Variants in SAXO1 observed in about 807,000 individuals in gnomAD.
SAXO1 encodes the protein stabilizer of axonemal microtubules 1.
In SAXO1, 21 loss-of-function variants were observed where a neutral mutation model predicts 17.5. That is an observed-to-expected ratio of 1.20 (90% confidence interval 0.85 to 1.72). The LOEUF (loss-of-function observed/expected upper bound fraction) is 1.72, where lower values mean the gene tolerates loss of function less well. Ranked by LOEUF, SAXO1 falls within the 40% of genes most tolerant of loss-of-function variation. The pLI, the probability that SAXO1 is intolerant of heterozygous loss-of-function variation, is 0.00. For missense variants in SAXO1, 843 were observed against 596.0 expected (o/e 1.41, Z -4.32); for synonymous variants, 274 against 216.5 (o/e 1.27, Z -2.33).
intron 1 of SAXO1, among the ~76,000 whole-genome samples, chr9:18,959,449 C>T (rs1832393189): frequency 1.3e-5 from 2 of 152,100 alleles, no homozygotes; most frequent in Admixed American, 1.3e-4. Flanking sequence ...AGGGCATCTA[C>T]AGACAGAGAG....
intron 1 of SAXO1, among the ~76,000 whole-genome samples, chr9:19,043,214 A>C (rs913790297): frequency 6.6e-6 from 1 of 151,062 alleles, no homozygotes; most frequent in Non-Finnish European, 1.5e-5. Flanking sequence ...TTCAGCCACA[A>C]AAAAAAAGAA....
intron 1 of SAXO1, among the ~76,000 whole-genome samples, chr9:19,038,612 T>TG (rs1282716709): frequency 1.8e-5 from 1 of 56,634 alleles, no homozygotes; most frequent in African/African-American, 7.1e-5. Context: ...TGTTGTGGGG[T>TG]GGGGGGAGGG....
At chr9:18,988,152 T>G (rs762760234) in intron 1 of SAXO1, among the ~76,000 whole-genome samples, 10 of 152,188 alleles carry the variant, frequency 6.6e-5, no homozygotes, top group Non-Finnish European at 1.5e-4. Context: ...GTCACAGATT[T>G]TAGTTTGAGT....
At position 18,977,381 on chromosome 9, in the gene SAXO1, TG is replaced by T. The variant is rs1833192895; in HGVS notation, c.39-26445del. Among the ~76,000 whole-genome samples, 7 of 152,326 alleles carry T rather than the reference TG, an allele frequency of 4.6e-5. No homozygotes were observed. In the South Asian group the frequency reaches 1.5e-3, roughly 32 times the overall value. On this transcript the variant is annotated intron_variant, in intron 1 of 3. Coordinates refer to ENST00000380534, the MANE Select transcript of SAXO1 (RefSeq NM_153707.4). ...TGCTGGGCATACTGCTAATAGCTTT[TG>T]TGCTTATTAACTTATTTCATCTTCA...
chr9:19,026,434 G>C (rs903257682), intron 1 of SAXO1, among the ~76,000 whole-genome samples: 1 of 152,066 alleles, frequency 6.6e-6, no homozygotes, highest in Non-Finnish European at 1.5e-5. Context: ...TAAAATAAAA[G>C]AGCTAGAGAC....
At chr9:18,956,198 G>A (rs1832253381) in intron 1 of SAXO1, among the ~76,000 whole-genome samples, 1 of 146,910 alleles carries the variant, frequency 6.8e-6, no homozygotes, top group Non-Finnish European at 1.5e-5. Flanking sequence ...CTATCCTCCT[G>A]CCTCAGCCTC....
intron 1 of SAXO1, among the ~76,000 whole-genome samples, chr9:18,975,726 C>A (rs571342351): frequency 6.6e-6 from 1 of 152,200 alleles, no homozygotes; most frequent in African/African-American, 2.4e-5. Context: ...TTGGTTCAAA[C>A]CCCATGCTTT....
In SAXO1 at chr9:18,927,970, A is replaced by T; in HGVS notation, c.*82T>A. On this transcript the variant is annotated 3_prime_UTR_variant, in exon 4 of 4. Transcript: ENST00000380534. ...TTTTTTGTTTTTTGTCATTTTAGGG[A>T]ATTCTTTTTTGTCCAACAAATAATT... is the stretch of plus-strand genomic sequence containing the variant. 1 of 1,423,150 alleles carries T rather than the reference A, an allele frequency of 7.0e-7. No homozygotes were observed. The highest frequency in any genetic ancestry group is 9.4e-7 in the Non-Finnish European group (1 of 1,069,000). The allele number at this position is 1,423,150 out of a possible 1,614,324, so 88.2% of individuals were successfully genotyped here.
chr9:19,037,480 T>C (rs1055538022), upstream of SAXO1, among the ~76,000 whole-genome samples: 2 of 152,196 alleles, frequency 1.3e-5, no homozygotes, highest in African/African-American at 4.8e-5. Context: ...GATTACCCCA[T>C]ACTGTTCTCA....
chr9:19,015,048 T>C (rs1563982439), intron 1 of SAXO1, among the ~76,000 whole-genome samples: 1 of 152,186 alleles, frequency 6.6e-6, no homozygotes, highest in East Asian at 1.9e-4. Flanking sequence ...CTGCTGATGA[T>C]GATGAAGGGC....
At chr9:19,012,397 A>T (rs181178427) in intron 1 of SAXO1, among the ~76,000 whole-genome samples, 1 of 152,268 alleles carries the variant, frequency 6.6e-6, no homozygotes, top group Non-Finnish European at 1.5e-5. Flanking sequence ...TTAGGTCTGA[A>T]TTATTAAAAT....
At chr9:18,962,306 G>A (rs1832520761) in intron 1 of SAXO1, among the ~76,000 whole-genome samples, 1 of 152,212 alleles carries the variant, frequency 6.6e-6, no homozygotes. Context: ...GAACTCAGAT[G>A]ATCTGCCCGC....
At chr9:18,964,135 T>C (rs1475723135) in intron 1 of SAXO1, among the ~76,000 whole-genome samples, 2 of 152,226 alleles carry the variant, frequency 1.3e-5, no homozygotes, top group Non-Finnish European at 2.9e-5. Context: ...TTGATTGTGG[T>C]GGATAAGCTT....
Position 19,033,031 on chromosome 9 carries a change from C to T in SAXO1, c.-123G>A. 1 of 1,048,520 alleles carries T rather than the reference C, an allele frequency of 9.5e-7. No individual in the cohort carries two copies. Among genetic ancestry groups the T allele is most frequent in the Non-Finnish European group, 1.3e-6 (1 of 760,868 alleles). The allele number at this position is 1,048,520 out of a possible 1,614,324, so 65.0% of individuals were successfully genotyped here. On this transcript the variant is annotated 5_prime_UTR_variant, in exon 1 of 4. Transcript: ENST00000380534. ...AGGGTCTTGGCAGGTGTTCTGTTTA[C>T]TCGAAGGAAAATTTAAGTGGCCCTT...
chr9:18,959,962 G>A (rs944449404), intron 1 of SAXO1, among the ~76,000 whole-genome samples: 1 of 152,112 alleles, frequency 6.6e-6, no homozygotes, highest in African/African-American at 2.4e-5. Flanking sequence ...GATAGCAGAT[G>A]CTGATGAGAG....
intron 3 of SAXO1, among the ~76,000 whole-genome samples, chr9:18,930,075 C>T (rs547754708): frequency 1.1e-4 from 16 of 152,274 alleles, no homozygotes; most frequent in South Asian, 4.1e-4. Flanking sequence ...GAATTTAAAC[C>T]GTATTGTTGT....
chr9:19,009,322 C>G (rs1312393682), intron 1 of SAXO1, among the ~76,000 whole-genome samples: 4 of 152,126 alleles, frequency 2.6e-5, no homozygotes, highest in Non-Finnish European at 5.9e-5. Flanking sequence ...CCAACCATCA[C>G]AGCAGAAAAT....
At chr9:19,040,103 A>T (rs1433824662) in intron 1 of SAXO1, among the ~76,000 whole-genome samples, 3 of 150,964 alleles carry the variant, frequency 2.0e-5, no homozygotes, top group African/African-American at 2.5e-5. Flanking sequence ...TCTTTTATTT[A>T]AAAAAACTGT....
chr9:19,016,351 G>T (rs142487984), intron 1 of SAXO1, among the ~76,000 whole-genome samples: 3 of 152,178 alleles, frequency 2.0e-5, no homozygotes, highest in African/African-American at 7.2e-5. Flanking sequence ...CAGAAGAATC[G>T]CTTGAACCCA....
Sources: allele counts gnomAD v4.1 joint callset (sites outside exome capture counted in the v4.1 genomes callset), GRCh38; gene constraint gnomAD v4.1.1; transcripts MANE v1.5; gene names NCBI Gene and HGNC (gene_info 2026-07-23, HGNC 2026-07-21).